Variants in SLC24A2 observed in about 807,000 individuals in gnomAD.
The protein encoded by SLC24A2 is sodium/potassium/calcium exchanger 2.
In SLC24A2, 36 loss-of-function variants were observed where a neutral mutation model predicts 62.0. The ratio of observed to expected loss-of-function variants is 0.58; its 90% confidence interval spans 0.44 to 0.77. The LOEUF (loss-of-function observed/expected upper bound fraction) is 0.77. Among genes scored for constraint, SLC24A2 ranks in the 30% least tolerant of loss-of-function variants. The pLI, the probability that SLC24A2 is intolerant of heterozygous loss-of-function variation, is 0.00. For synonymous variants in SLC24A2, 358 were observed against 294.0 expected (o/e 1.22, Z -2.23); for missense variants, 846 against 817.9 (o/e 1.03, Z -0.42).
chr9:19,534,292 T>C (rs1259984650), intron 8 of SLC24A2, among the ~76,000 whole-genome samples: 1 of 152,228 alleles, frequency 6.6e-6, no homozygotes, highest in Non-Finnish European at 1.5e-5. Context: ...TATGTGGCCA[T>C]GCCTGGTTTC....
intron 8 of SLC24A2, among the ~76,000 whole-genome samples, chr9:19,544,149 C>T (rs1028525055): frequency 1.3e-5 from 2 of 151,702 alleles, no homozygotes; most frequent in Non-Finnish European, 2.9e-5. Flanking sequence ...ATAGTTGGCT[C>T]TTCTTGTTGC....
chr9:19,572,186 G>A (rs1835855345), intron 7 of SLC24A2, among the ~76,000 whole-genome samples: 2 of 150,312 alleles, frequency 1.3e-5, no homozygotes, highest in Non-Finnish European at 2.9e-5. Context: ...CTTGAACCCA[G>A]GAGGTGGAGG....
At chr9:20,059,797 A>C in the SLC24A2 span, among the ~76,000 whole-genome samples, 1 of 152,118 alleles carries the variant, frequency 6.6e-6, no homozygotes, top group Non-Finnish European at 1.5e-5. Flanking sequence ...GGAAAGAATG[A>C]AAATTAGAGC....
At chr9:19,641,795 T>C (rs1205577531) in intron 2 of SLC24A2, among the ~76,000 whole-genome samples, 1 of 152,224 alleles carries the variant, frequency 6.6e-6, no homozygotes, top group African/African-American at 2.4e-5. Flanking sequence ...CCAAACCTGT[T>C]ACTCTTCCAG....
At chr9:20,014,529 C>CACAA in the SLC24A2 span, among the ~76,000 whole-genome samples, 1 of 149,388 alleles carries the variant, frequency 6.7e-6, no homozygotes, top group African/African-American at 2.5e-5. Context: ...CACACACACA[C>CACAA]AATGGAATAC....
chr9:20,279,884 A>T, the SLC24A2 span, among the ~76,000 whole-genome samples: 1 of 152,144 alleles, frequency 6.6e-6, no homozygotes, highest in Admixed American at 6.5e-5. Context: ...GTTATCGATG[A>T]TGTAGATCTT....
At chr9:19,681,042 G>A (rs1230346098) in intron 2 of SLC24A2, among the ~76,000 whole-genome samples, 1 of 151,994 alleles carries the variant, frequency 6.6e-6, no homozygotes, top group Non-Finnish European at 1.5e-5. Context: ...TGCACAAAAT[G>A]TTGTCAGAAT....
the SLC24A2 span, among the ~76,000 whole-genome samples, chr9:19,959,078 C>T: frequency 6.6e-6 from 1 of 152,142 alleles, no homozygotes; most frequent in East Asian, 1.9e-4. Flanking sequence ...CTTTGCTTTT[C>T]GCTAACCCAT....
the SLC24A2 span, among the ~76,000 whole-genome samples, chr9:19,818,070 C>G: frequency 6.6e-6 from 1 of 152,070 alleles, no homozygotes; most frequent in African/African-American, 2.4e-5. Flanking sequence ...TAAATATGTA[C>G]CTTTACTGAG....
chr9:19,860,042 C>T, the SLC24A2 span, among the ~76,000 whole-genome samples: 2 of 152,244 alleles, frequency 1.3e-5, no homozygotes, highest in African/African-American at 4.8e-5. Context: ...AACTCCTAGG[C>T]AGTCCTAGGA....
the SLC24A2 span, among the ~76,000 whole-genome samples, chr9:20,260,861 T>TTTTTC: frequency 7.6e-3 from 1,102 of 144,560 alleles, 8 homozygotes; most frequent in Non-Finnish European, 0.012. Flanking sequence ...TTTTTTTTTT[T>TTTTTC]TTTTTTTTTT....
chr9:19,671,740 T>C (rs1242835717), intron 2 of SLC24A2, among the ~76,000 whole-genome samples: 3 of 152,110 alleles, frequency 2.0e-5, no homozygotes, highest in Non-Finnish European at 4.4e-5. Flanking sequence ...TCTATGCCGA[T>C]TTTGCTGAGG....
At chr9:19,734,302 T>G (rs1821431819) in intron 2 of SLC24A2, among the ~76,000 whole-genome samples, 1 of 152,214 alleles carries the variant, frequency 6.6e-6, no homozygotes, top group Admixed American at 6.5e-5. Flanking sequence ...TGTAGTATAG[T>G]TTGAAGTCAG....
At chr9:20,078,528 A>G in the SLC24A2 span, among the ~76,000 whole-genome samples, 1 of 152,090 alleles carries the variant, frequency 6.6e-6, no homozygotes, top group Admixed American at 6.5e-5. Context: ...CCCTTCCACA[A>G]ACCAGAAATA....
At chr9:20,042,386 T>C in the SLC24A2 span, among the ~76,000 whole-genome samples, 3 of 152,194 alleles carry the variant, frequency 2.0e-5, no homozygotes, top group Admixed American at 6.5e-5. Context: ...CATAAGGACA[T>C]CTGAGCCTTC....
In SLC24A2 at chr9:19,577,086, C is replaced by T. The variant is rs984403903; in HGVS notation, c.1130-64G>A. 5.3e-6 allele frequency: 7 copies of T among 1,315,172 alleles called. No homozygotes were observed. In the African/African-American group the frequency reaches 1.0e-4, roughly 19 times the overall value. 81.5% of individuals were successfully genotyped at this position (1,315,172 alleles called of 1,614,324 possible). ...GAAAGAAGAGAGTCTCAGGGCCAAG[C>T]AGGTATGTGGCCTCCTCAGTCACGC... On this transcript the variant is annotated intron_variant, in intron 5 of 10. Coordinates refer to ENST00000341998, the MANE Select transcript of SLC24A2 (RefSeq NM_020344.4).
chr9:19,951,749 T>A, the SLC24A2 span, among the ~76,000 whole-genome samples: 1 of 152,148 alleles, frequency 6.6e-6, no homozygotes, highest in Non-Finnish European at 1.5e-5. Context: ...GCTTTGTAAA[T>A]CAAGAAATTA....
At chr9:19,518,425 C>CTTTTTTTTTTTTTTTTTTTT (rs59805848) in intron 10 of SLC24A2, among the ~76,000 whole-genome samples, 1 of 141,262 alleles carries the variant, frequency 7.1e-6, no homozygotes, top group Admixed American at 7.1e-5. Flanking sequence ...CTTTTCTTTT[C>CTTTTTTTTTTTTTTTTTTTT]TTTTTTTTTT....
At chr9:19,906,341 A>G in the SLC24A2 span, among the ~76,000 whole-genome samples, 4 of 151,752 alleles carry the variant, frequency 2.6e-5, no homozygotes, top group Admixed American at 2.6e-4. Flanking sequence ...TGTAGAGGGA[A>G]ATTTATAGCA....
Sources: allele counts gnomAD v4.1 joint callset (sites outside exome capture counted in the v4.1 genomes callset), GRCh38; gene constraint gnomAD v4.1.1; transcripts MANE v1.5; gene names NCBI Gene and HGNC (gene_info 2026-07-23, HGNC 2026-07-21).